PLCL1: variants seen among roughly 807,000 people sequenced by gnomAD.
The protein encoded by PLCL1 is inactive phospholipase C-like protein 1.
PLCL1 carries 41 observed loss-of-function variants against 84.4 expected under a neutral mutation model. The ratio of observed to expected loss-of-function variants is 0.49; its 90% CI spans 0.38 to 0.63. The LOEUF is 0.63. Ranked by LOEUF, PLCL1 falls within the 30% of genes least tolerant of loss-of-function variation. PLCL1 has a pLI of 0.00. For missense variants in PLCL1, 1,206 were observed against 1,367.8 expected (o/e 0.88, Z 1.87); for synonymous variants, 490 against 488.3 (o/e 1.00, Z -0.05).
intron 5 of PLCL1, among the ~76,000 whole-genome samples, chr2:198,125,898 G>A (rs976794040): frequency 1.3e-5 from 2 of 152,144 alleles, no homozygotes; most frequent in African/African-American, 4.8e-5. Context: ...CGAGCAGAAT[G>A]CTCCAGTGTT....
intron 3 of PLCL1, among the ~76,000 whole-genome samples, chr2:198,090,062 A>G (rs958807482): frequency 1.3e-5 from 2 of 152,190 alleles, no homozygotes; most frequent in South Asian, 2.1e-4. Flanking sequence ...AGTTTGATCT[A>G]TAGAGTTCCT....
intron 1 of PLCL1, among the ~76,000 whole-genome samples, chr2:197,980,005 G>T (rs1288856116): frequency 6.6e-6 from 1 of 152,146 alleles, no homozygotes; most frequent in Non-Finnish European, 1.5e-5. Flanking sequence ...GTATAGGGAT[G>T]TAAAAAAGAA....
At chr2:198,141,475 A>G (rs1694385234) in intron 5 of PLCL1, among the ~76,000 whole-genome samples, 1 of 147,024 alleles carries the variant, frequency 6.8e-6, no homozygotes, top group Non-Finnish European at 1.5e-5. Flanking sequence ...AGAGTGTAAC[A>G]TCAAAAAAAA....
intron 5 of PLCL1, among the ~76,000 whole-genome samples, chr2:198,116,785 C>G (rs905480520): frequency 6.6e-6 from 1 of 151,702 alleles, no homozygotes; most frequent in Non-Finnish European, 1.5e-5. Flanking sequence ...AGAATCCTTC[C>G]CTATGCAGTG....
intron 1 of PLCL1, among the ~76,000 whole-genome samples, chr2:197,889,514 T>A (rs954882932): frequency 1.3e-5 from 2 of 152,110 alleles, no homozygotes; most frequent in African/African-American, 4.8e-5. Context: ...CATTTTAAAC[T>A]TTTTTCTCCG....
At chr2:197,934,097 G>A (rs1689002321) in intron 1 of PLCL1, among the ~76,000 whole-genome samples, 1 of 152,186 alleles carries the variant, frequency 6.6e-6, no homozygotes, top group African/African-American at 2.4e-5. Flanking sequence ...AATATTAGCA[G>A]CTATACTTAA....
chr2:197,818,298 C>T (rs1014113209), intron 1 of PLCL1, among the ~76,000 whole-genome samples: 1 of 152,090 alleles, frequency 6.6e-6, no homozygotes, highest in Non-Finnish European at 1.5e-5. Context: ...CATGACCGTC[C>T]CTTCCTTACT....
intron 1 of PLCL1, among the ~76,000 whole-genome samples, chr2:198,037,710 C>T (rs1020606592): frequency 3.3e-5 from 5 of 152,134 alleles, no homozygotes; most frequent in Non-Finnish European, 5.9e-5. Context: ...TCTATTTGTA[C>T]TTGTAATTAC....
At chr2:198,010,474 T>G (rs1260654638) in intron 1 of PLCL1, among the ~76,000 whole-genome samples, 3 of 151,986 alleles carry the variant, frequency 2.0e-5, no homozygotes, top group African/African-American at 4.8e-5. Context: ...TGGTTAATTT[T>G]TATATTTTGA....
At chr2:197,876,011 T>A (rs1388827611) in intron 1 of PLCL1, among the ~76,000 whole-genome samples, 1 of 152,170 alleles carries the variant, frequency 6.6e-6, no homozygotes, top group Non-Finnish European at 1.5e-5. Flanking sequence ...TAACTCAGAA[T>A]TTCCCCAAAA....
chr2:197,843,929 C>T (rs1339242792), intron 1 of PLCL1, among the ~76,000 whole-genome samples: 3 of 151,978 alleles, frequency 2.0e-5, no homozygotes, highest in African/African-American at 7.3e-5. Flanking sequence ...AGTGCGGCAC[C>T]ATATTTAATA....
intron 1 of PLCL1, among the ~76,000 whole-genome samples, chr2:197,872,328 C>G (rs1469938173): frequency 6.6e-6 from 1 of 152,110 alleles, no homozygotes; most frequent in Non-Finnish European, 1.5e-5. Flanking sequence ...TTTCTTTATA[C>G]TAAGTCTGGA....
chr2:197,939,441 G>T (rs937420807), intron 1 of PLCL1, among the ~76,000 whole-genome samples: 1 of 152,180 alleles, frequency 6.6e-6, no homozygotes, highest in Non-Finnish European at 1.5e-5. Flanking sequence ...AACGACAGAA[G>T]TTGATTTTTT....
At chr2:198,102,484 A>C (rs958462144) in intron 4 of PLCL1, among the ~76,000 whole-genome samples, 1 of 152,058 alleles carries the variant, frequency 6.6e-6, no homozygotes, top group Non-Finnish European at 1.5e-5. Flanking sequence ...TGCATTAATA[A>C]AAATATAAAA....
At chr2:197,806,598 G>T (rs1277280942) in intron 1 of PLCL1, among the ~76,000 whole-genome samples, 1 of 152,166 alleles carries the variant, frequency 6.6e-6, no homozygotes, top group Non-Finnish European at 1.5e-5. Context: ...CTGTTATTTT[G>T]TGGCTTTTTG....
At chr2:198,040,560 G>A (rs768914349) in intron 1 of PLCL1, among the ~76,000 whole-genome samples, 25 of 152,136 alleles carry the variant, frequency 1.6e-4, no homozygotes, top group Admixed American at 3.9e-4. Context: ...TGGAATTTCC[G>A]TTCTAGAGGA....
chr2:197,959,036 C>A (rs549213685), intron 1 of PLCL1, among the ~76,000 whole-genome samples: 2 of 151,868 alleles, frequency 1.3e-5, no homozygotes, highest in Non-Finnish European at 2.9e-5. Context: ...TACAGTATAC[C>A]GAAATATACT....
At chr2:197,816,742 G>C (rs1196225562) in intron 1 of PLCL1, among the ~76,000 whole-genome samples, 1 of 152,126 alleles carries the variant, frequency 6.6e-6, no homozygotes, top group African/African-American at 2.4e-5. Context: ...CTTTTGTTTA[G>C]TGGTAGGAGA....
At chr2:198,144,118 T>C (rs1295006198) in intron 5 of PLCL1, among the ~76,000 whole-genome samples, 1 of 152,212 alleles carries the variant, frequency 6.6e-6, no homozygotes, top group African/African-American at 2.4e-5. Flanking sequence ...TATTAAAATA[T>C]GTTTCATGCC....
Sources: allele counts gnomAD v4.1 joint callset (sites outside exome capture counted in the v4.1 genomes callset), GRCh38; gene constraint gnomAD v4.1.1; transcripts MANE v1.5; gene names NCBI Gene and HGNC (gene_info 2026-07-23, HGNC 2026-07-21).